CCDC102B: variants seen among roughly 807,000 people sequenced by gnomAD.
CCDC102B encodes the protein coiled-coil domain-containing protein 102B.
Under a neutral mutation model 57.4 loss-of-function variants are expected in CCDC102B, and 75 were observed. The observed-to-expected ratio is 1.31, with a 90% CI of 1.08 to 1.58. The LOEUF is 1.58. Among genes scored for constraint, CCDC102B ranks in the 40% most tolerant of loss-of-function variants. The pLI is 0.00. For missense variants in CCDC102B, 636 were observed against 582.6 expected, an observed-to-expected ratio of 1.09 and a Z score of -0.94; for synonymous variants, 206 against 201.9, an observed-to-expected ratio of 1.02 and a Z score of -0.17.
rs1344806896 is a variant in CCDC102B at position 68,990,021 on chromosome 18, C to T, written c.1264-20913C>T. On this transcript the variant is annotated intron_variant, in intron 6 of 7. Transcript: ENST00000360242. ...CCAGCTCCTCTGTATAGGACCCACT[C>T]CTGGATCATCCCACACACTCATACA... Among the ~76,000 whole-genome samples the T allele has an allele frequency of 2.0e-5, 3 of 152,298 alleles. No individual in the cohort carries two copies. The South Asian group carries it at 6.2e-4, about 32-fold the overall frequency.
Position 68,911,545 on chromosome 18 carries a change from G to A in CCDC102B, c.1263+14117G>A, listed in dbSNP as rs553758460. Among the ~76,000 whole-genome samples, 69 of 150,398 alleles carry A rather than the reference G, an allele frequency of 4.6e-4. 2 individuals are homozygous for A. The highest frequency in any genetic ancestry group is 1.6e-3 in the African/African-American group (64 of 40,536). Reference sequence around the variant, plus strand: ...AGGCGGGCGGATCACGAGGTCAGGAGATCGAGACCATCCTGGCTAACACGG... The same window carrying A: ...AGGCGGGCGGATCACGAGGTCAGGAAATCGAGACCATCCTGGCTAACACGG... On this transcript the variant is annotated intron_variant, in intron 6 of 7. Coordinates refer to ENST00000360242, the MANE Select transcript of CCDC102B (RefSeq NM_024781.3).
At chr18:68,914,241 C>T (rs1355786415) in intron 6 of CCDC102B, among the ~76,000 whole-genome samples, 1 of 152,156 alleles carries the variant, frequency 6.6e-6, no homozygotes, top group African/African-American at 2.4e-5. Flanking sequence ...TGGGTTTCCT[C>T]CAGTTACTCC....
intron 2 of CCDC102B, among the ~76,000 whole-genome samples, chr18:68,760,816 C>G (rs944997153): frequency 6.6e-6 from 1 of 151,944 alleles, no homozygotes; most frequent in Admixed American, 6.6e-5. Flanking sequence ...GTGCTTGCAG[C>G]AAGAAGGATA....
intron 6 of CCDC102B, 121 bp downstream of exon 6, chr18:68,897,549 C>T (rs984486645): frequency 8.4e-6 from 13 of 1,553,144 alleles, no homozygotes; most frequent in African/African-American, 2.7e-5. Context: ...CAGCTAATAC[C>T]TGATACTCCT....
At chr18:68,758,339 A>G (rs963004532) in intron 2 of CCDC102B, among the ~76,000 whole-genome samples, 1 of 151,974 alleles carries the variant, frequency 6.6e-6, no homozygotes, top group African/African-American at 2.4e-5. Context: ...CATTATTTTA[A>G]CAAATCAAAT....
At chr18:68,942,462 G>T (rs557648279) in intron 6 of CCDC102B, among the ~76,000 whole-genome samples, 1 of 152,150 alleles carries the variant, frequency 6.6e-6, no homozygotes, top group East Asian at 1.9e-4. Flanking sequence ...ATTATCGGGC[G>T]TTTCTCAGAG....
At chr18:68,803,649 T>C (rs979850471) in intron 1 of CCDC102B, among the ~76,000 whole-genome samples, 1 of 152,222 alleles carries the variant, frequency 6.6e-6, no homozygotes. Context: ...CAGAAGCTAC[T>C]TTAAGAGGAA....
At chr18:68,738,830 C>T (rs571135488) in intron 2 of CCDC102B, among the ~76,000 whole-genome samples, 41 of 152,260 alleles carry the variant, frequency 2.7e-4, no homozygotes, top group African/African-American at 9.9e-4. Flanking sequence ...TCTCCCCAGA[C>T]CTCTCTGAAT....
intron 1 of CCDC102B, among the ~76,000 whole-genome samples, chr18:68,828,746 A>T (rs963337318): frequency 4.6e-5 from 7 of 151,738 alleles, no homozygotes; most frequent in Non-Finnish European, 8.9e-5. Context: ...TACTTTATTT[A>T]AAAATATTTA....
chr18:68,822,211 T>C (rs1280740234), intron 1 of CCDC102B, among the ~76,000 whole-genome samples: 2 of 151,994 alleles, frequency 1.3e-5, no homozygotes, highest in African/African-American at 4.8e-5. Flanking sequence ...CTGGCTAACA[T>C]AGTGAAACCC....
intron 1 of CCDC102B, among the ~76,000 whole-genome samples, chr18:68,801,475 TTG>T (rs1333682531): frequency 6.6e-6 from 1 of 152,158 alleles, no homozygotes; most frequent in Non-Finnish European, 1.5e-5. Context: ...AGAATTGCTG[TTG>T]TGTGTCATAA....
chr18:68,789,601 C>T (rs1413724457), intron 2 of CCDC102B, among the ~76,000 whole-genome samples: 1 of 149,338 alleles, frequency 6.7e-6, no homozygotes, highest in Non-Finnish European at 1.5e-5. Flanking sequence ...CGCTGATACC[C>T]TTTCTTCCAG....
At chr18:69,057,355 G>A (rs886249278), downstream of CCDC102B, among the ~76,000 whole-genome samples, 3 of 152,024 alleles carry the variant, frequency 2.0e-5, no homozygotes, top group African/African-American at 7.2e-5. Flanking sequence ...CTCAACCCAT[G>A]GGGTGATTCT....
chr18:68,867,911 G>A (rs893977530), intron 4 of CCDC102B, among the ~76,000 whole-genome samples: 12 of 152,034 alleles, frequency 7.9e-5, no homozygotes, highest in African/African-American at 2.7e-4. Flanking sequence ...TCCATCCTGG[G>A]GCGAAAGAGT....
rs114743914 is a variant in CCDC102B at position 68,952,042 on chromosome 18, G to C, written c.1263+54614G>C. Among the ~76,000 whole-genome samples the C allele has an allele frequency of 7.2e-3, 1,096 of 152,210 alleles. 13 individuals carry two copies. The highest frequency in any genetic ancestry group is 0.025 in the African/African-American group (1,055 of 41,554). On this transcript the variant is annotated intron_variant, in intron 6 of 7. Coordinates refer to ENST00000360242, the MANE Select transcript of CCDC102B (RefSeq NM_024781.3). ...AAATAAAATTGTACTGCATTCCAGT[G>C]TGTAAAGTGACATCCGTTTTATTTC...
At chr18:69,037,028 T>TATACAC (rs1445727004) in intron 7 of CCDC102B, among the ~76,000 whole-genome samples, 2 of 150,050 alleles carry the variant, frequency 1.3e-5, no homozygotes, top group African/African-American at 4.9e-5. Context: ...GGTGTATATA[T>TATACAC]ACACACACAC....
chr18:68,933,078 TTA>T (rs969160097), intron 6 of CCDC102B, among the ~76,000 whole-genome samples: 2 of 143,786 alleles, frequency 1.4e-5, no homozygotes, highest in Non-Finnish European at 3.1e-5. Flanking sequence ...TTAAATAGTG[TTA>T]TTTTATTTAC....
chr18:68,803,984 G>A (rs748522450), intron 1 of CCDC102B, among the ~76,000 whole-genome samples: 13 of 152,138 alleles, frequency 8.5e-5, no homozygotes, highest in South Asian at 4.1e-4. Context: ...GCATCCACTC[G>A]GCTGTGCTGT....
Position 69,055,049 on chromosome 18 carries a change from A to G in CCDC102B, c.*912A>G. 1.0e-6 allele frequency: 1 copy of G among 982,970 alleles called. No homozygotes were observed. The highest frequency in any genetic ancestry group is 1.7e-5 in the African/African-American group (1 of 57,258). 60.9% of individuals were successfully genotyped at this position (982,970 alleles called of 1,614,324 possible). A position where few individuals can be genotyped will look rare whatever the true frequency, so the allele number is the denominator to read the frequency against. ...AAGACACTTATAATTTTCCATACCTATTTTCAACTGAAGGCAACTTGTAAG... is the reference window on the plus strand; with the variant it reads ...AAGACACTTATAATTTTCCATACCTGTTTTCAACTGAAGGCAACTTGTAAG... On this transcript the variant is annotated 3_prime_UTR_variant, in exon 8 of 8. Coordinates refer to ENST00000360242, the MANE Select transcript of CCDC102B (RefSeq NM_024781.3).
Sources: gnomAD v4.1 joint callset for allele counts (sites outside exome capture counted in the v4.1 genomes callset) on GRCh38, gnomAD v4.1.1 for gene constraint, MANE v1.5 for transcripts, NCBI Gene and HGNC (gene_info 2026-07-23, HGNC 2026-07-21) for gene names.